AZIN2: variants seen among roughly 807,000 people sequenced by gnomAD.
The protein encoded by AZIN2 is ODC antizyme inhibitor-2.
A neutral mutation model predicts 47.8 loss-of-function variants in AZIN2; 28 were observed. The observed-to-expected ratio is 0.59, with a 90% CI of 0.43 to 0.80. AZIN2 has a LOEUF of 0.80. Among genes scored for constraint, AZIN2 ranks in the 30% least tolerant of loss-of-function variants. The probability of loss-of-function intolerance (pLI) is 0.00; values close to 1 mark genes in which losing one functional copy is unlikely to be tolerated. For synonymous variants in AZIN2, 221 were observed against 239.4 expected, an observed-to-expected ratio of 0.92 and a Z score of 0.71; for missense variants, 535 against 582.5, an observed-to-expected ratio of 0.92 and a Z score of 0.84.
At position 33,123,235 on chromosome 1, in the gene AZIN2, A is replaced by G. The variant is rs1262656372; in HGVS notation, c.*3053A>G. ...CTAGTCTCTCTCTTTTCTCTTAACTAGTTTTCTTTTTCTTCATAGTACCTA... is the reference window on the plus strand; with the variant it reads ...CTAGTCTCTCTCTTTTCTCTTAACTGGTTTTCTTTTTCTTCATAGTACCTA... On this transcript the variant is annotated 3_prime_UTR_variant, in exon 12 of 12. Coordinates refer to ENST00000294517, the MANE Select transcript of AZIN2 (RefSeq NM_052998.4). Among the ~76,000 whole-genome samples the G allele has an allele frequency of 6.6e-6, 1 of 152,052 alleles. No individual in the cohort carries two copies. Among genetic ancestry groups the G allele is most frequent in the African/African-American group, 2.4e-5 (1 of 41,386 alleles).
At chr1:33,128,544 G>T in the AZIN2 span, among the ~76,000 whole-genome samples, 2 of 152,218 alleles carry the variant, frequency 1.3e-5, no homozygotes, top group African/African-American at 4.8e-5. Context: ...GATTGGGAAA[G>T]TCTCTGCCTA....
In AZIN2 at chr1:33,092,310, G is replaced by A. The variant is rs974761137; in HGVS notation, c.452+88G>A. ...GGCTGTGGGGAGGCTGGGCTGTGGG[G>A]AGGCTGGGCTGAGGGAAGGCTGGGC... is the stretch of plus-strand genomic sequence containing the variant. On this transcript the variant is annotated intron_variant, in intron 6 of 11. Transcript: ENST00000294517. The A allele has an allele frequency of 1.7e-5, 23 of 1,318,902 alleles. 1 individual carries two copies. The highest frequency in any genetic ancestry group is 2.7e-5 in the Admixed American group (1 of 37,326). The allele number at this position is 1,318,902 out of a possible 1,614,324, so 81.7% of individuals were successfully genotyped here.
Position 33,122,793 on chromosome 1 carries a change from C to T in AZIN2, c.*2611C>T, listed in dbSNP as rs751303476. ...AACCCACCTGTGCCTCCTGAAGCCC[C>T]TCCTGCGCGCACACTCACTCTCTCT... On this transcript the variant is annotated 3_prime_UTR_variant, in exon 12 of 12. Coordinates refer to ENST00000294517, the MANE Select transcript of AZIN2 (RefSeq NM_052998.4). 6.6e-6 allele frequency among the ~76,000 whole-genome samples: 1 copy of T among 152,164 alleles called. No homozygotes were observed. Among genetic ancestry groups the T allele is most frequent in the Non-Finnish European group, 1.5e-5 (1 of 68,036 alleles).
At chr1:33,086,304 G>A (rs1320753845) in intron 5 of AZIN2, among the ~76,000 whole-genome samples, 1 of 152,182 alleles carries the variant, frequency 6.6e-6, no homozygotes. Flanking sequence ...TTCCGCATCA[G>A]GGTGGTGGCA....
intron 5 of AZIN2, among the ~76,000 whole-genome samples, chr1:33,084,764 A>AT (rs1278744774): frequency 6.6e-6 from 1 of 151,800 alleles, no homozygotes; most frequent in Non-Finnish European, 1.5e-5. Context: ...TACCTGGCTA[A>AT]TTTTTTGGTA....
intron 10 of AZIN2, 113 bp from the exon 11 acceptor site, chr1:33,117,789 C>T: frequency 8.6e-7 from 1 of 1,163,036 alleles, no homozygotes. Flanking sequence ...CTAGGAGGCC[C>T]ATCTAGACTT....
chr1:33,153,426 GA>G, the AZIN2 span, among the ~76,000 whole-genome samples: 1 of 152,230 alleles, frequency 6.6e-6, no homozygotes, highest in African/African-American at 2.4e-5. Context: ...GCTTCCCAGG[GA>G]CATCTGGCAA....
chr1:33,150,709 C>G, the AZIN2 span, among the ~76,000 whole-genome samples: 33,362 of 151,966 alleles, frequency 0.22, 3,767 homozygotes, highest in South Asian at 0.3. Context: ...GGAATGTGGG[C>G]AATTCCCACA....
At chr1:33,119,949 C>G (rs1360350039) in intron 11 of AZIN2, 95 bp from the exon 12 acceptor site, 2 of 1,550,752 alleles carry the variant, frequency 1.3e-6, no homozygotes, top group East Asian at 2.3e-5. Context: ...CTCGGGCTCA[C>G]GTGAGAGCCC....
chr1:33,084,860 A>G (rs567845163), intron 5 of AZIN2, among the ~76,000 whole-genome samples: 12 of 152,130 alleles, frequency 7.9e-5, no homozygotes, highest in East Asian at 1.9e-4. Flanking sequence ...TCAGCCTCCT[A>G]AAGTGCTGGG....
chr1:33,129,952 C>A, the AZIN2 span, among the ~76,000 whole-genome samples: 1 of 152,078 alleles, frequency 6.6e-6, no homozygotes, highest in African/African-American at 2.4e-5. The surrounding 1 kb of genome is among the most constrained non-coding windows in gnomAD (Gnocchi z 4.1). Context: ...CTCTGCCTCC[C>A]GGGTTCAAGC....
At chr1:33,083,487 CTTTAGGGAG>C in intron 4 of AZIN2, 2 of 243,162 alleles carry the variant, frequency 8.2e-6, no homozygotes, top group Non-Finnish European at 1.6e-5. Context: ...TAGCTTCTGC[CTTTAGGGAG>C]TTTACCCTTT....
downstream of AZIN2, among the ~76,000 whole-genome samples, chr1:33,125,596 GC>G (rs2124686478): frequency 6.6e-6 from 1 of 152,214 alleles, no homozygotes; most frequent in South Asian, 2.1e-4. Flanking sequence ...GTTCAAAGTA[GC>G]CCCCACCAAC....
At chr1:33,143,633 C>T in the AZIN2 span, among the ~76,000 whole-genome samples, 1 of 152,224 alleles carries the variant, frequency 6.6e-6, no homozygotes, top group African/African-American at 2.4e-5. Context: ...GGGTGGTTCC[C>T]TCTCCCCAGC....
chr1:33,085,535 G>T (rs1641789515), intron 5 of AZIN2, among the ~76,000 whole-genome samples: 1 of 152,110 alleles, frequency 6.6e-6, no homozygotes, highest in African/African-American at 2.4e-5. Context: ...CTATTTTCTT[G>T]GTGGTTAGTA....
At chr1:33,094,965 G>A (rs1642981772) in intron 8 of AZIN2, among the ~76,000 whole-genome samples, 1 of 152,180 alleles carries the variant, frequency 6.6e-6, no homozygotes, top group African/African-American at 2.4e-5. Flanking sequence ...GCCAATTGGA[G>A]GCATAACCAG....
chr1:33,128,120 T>C (rs1644869783), downstream of AZIN2, among the ~76,000 whole-genome samples: 1 of 151,430 alleles, frequency 6.6e-6, no homozygotes, highest in African/African-American at 2.4e-5. Context: ...TCCCAGCACT[T>C]TGGGAGGCCG....
At chr1:33,101,819 C>T (rs1643723248) in intron 10 of AZIN2, 2 of 777,174 alleles carry the variant, frequency 2.6e-6, no homozygotes, top group South Asian at 1.3e-5. Context: ...GGCTTTTTCT[C>T]CCTCATATCA....
intron 10 of AZIN2, among the ~76,000 whole-genome samples, chr1:33,111,434 A>G (rs570069038): frequency 6.6e-6 from 1 of 152,330 alleles, no homozygotes; most frequent in South Asian, 2.1e-4. Flanking sequence ...GTAAATGTAT[A>G]GAGTAACCAC....
Sources: allele counts gnomAD v4.1 joint callset (sites outside exome capture counted in the v4.1 genomes callset), GRCh38; gene constraint gnomAD v4.1.1; non-coding constraint Gnocchi (gnomAD v3.1); transcripts MANE v1.5; gene names NCBI Gene and HGNC (gene_info 2026-07-23, HGNC 2026-07-21).